The following SARM1 variants were observed in gnomAD, a reference collection of about 807,000 sequenced individuals.
The protein encoded by SARM1 is sterile alpha and TIR motif containing 1, also known as NAD(+) hydrolase SARM1.
Under a neutral mutation model 65.1 loss-of-function variants are expected in SARM1, and 60 were observed. That is an observed-to-expected ratio of 0.92 (90% CI 0.75 to 1.14). The LOEUF is 1.14. SARM1 is among the 50% of genes most tolerant of loss of function. The probability of loss-of-function intolerance (pLI) is 0.00; values close to 1 mark genes in which losing one functional copy is unlikely to be tolerated. For synonymous variants in SARM1, 417 were observed against 465.4 expected (o/e 0.90, Z 1.34); for missense variants, 913 against 1,015.7 (o/e 0.90, Z 1.37).
chr17:28,402,463 G>C lies in SARM1; in HGVS notation c.*6177G>C. On this transcript the variant is annotated 3_prime_UTR_variant, in exon 9 of 9. Coordinates refer to ENST00000585482, the MANE Select transcript of SARM1 (RefSeq NM_015077.4). ...ACTTCCTTGATGGTGAGGGTGGGAA[G>C]ACAGTAGTCAAGGAGGAATGGAGAC... 2 of 666,112 alleles carry C rather than the reference G, an allele frequency of 3.0e-6. No homozygotes were observed. Among genetic ancestry groups the C allele is most frequent in the Non-Finnish European group, 2.6e-6 (1 of 382,956 alleles). 41.3% of individuals were successfully genotyped at this position (666,112 alleles called of 1,614,324 possible).
chr17:28,375,322 G>A (rs1225469461), intron 1 of SARM1, among the ~76,000 whole-genome samples: 3 of 151,758 alleles, frequency 2.0e-5, no homozygotes, highest in African/African-American at 7.3e-5. Context: ...AGGCGGCCAG[G>A]AGCAGTGTCT....
chr17:28,399,628 T>C lies in SARM1; in HGVS notation c.*3342T>C, dbSNP rs2068171537. On this transcript the variant is annotated 3_prime_UTR_variant, in exon 9 of 9. Coordinates refer to ENST00000585482, the MANE Select transcript of SARM1 (RefSeq NM_015077.4). ...TTGCTTGGTGTTCACTTTGCTCCTC[T>C]TGCCCTCTGTCTTCTGGTCCAGGCA... The C allele has an allele frequency of 2.5e-6, 4 of 1,613,436 alleles. No homozygotes were observed. The highest frequency in any genetic ancestry group is 3.4e-6 in the Non-Finnish European group (4 of 1,179,534).
Position 28,400,122 on chromosome 17 carries a change from C to T in SARM1, c.*3836C>T, listed in dbSNP as rs1042531127. On this transcript the variant is annotated 3_prime_UTR_variant, in exon 9 of 9. Transcript: ENST00000585482. ...GTTGCCCAGGCTGATCTTGAATTCC[C>T]GGGCTCAAGTGGTCCTCCTGCCTCA... 6.0e-5 allele frequency: 14 copies of T among 232,680 alleles called. 1 individual carries two copies. Among genetic ancestry groups the T allele is most frequent in the South Asian group, 3.9e-4 (6 of 15,386 alleles). 14.4% of individuals were successfully genotyped at this position (232,680 alleles called of 1,614,324 possible). A position where few individuals can be genotyped will look rare whatever the true frequency, so the allele number is the denominator to read the frequency against.
rs113936866 is a variant in SARM1, at chr17:28,371,968, A to G, written c.-65A>G. The stretch of plus-strand genomic sequence containing the variant: ...ACCCCTCTCGGGTCCCTCTTTTCCC[A>G]AAACCCGGGTCTCTCCGCGTGGCCC... On this transcript the variant is annotated 5_prime_UTR_variant, in exon 1 of 9. Transcript: ENST00000585482. 1,298 of 1,287,446 alleles carry G rather than the reference A, an allele frequency of 1.0e-3. 19 individuals are homozygous for G. In the African/African-American group the frequency reaches 0.019, roughly 18 times the overall value. 79.8% of individuals were successfully genotyped at this position (1,287,446 alleles called of 1,614,324 possible). A position where few individuals can be genotyped will look rare whatever the true frequency, so the allele number is the denominator to read the frequency against.
chr17:28,372,373 A>G lies in SARM1; in HGVS notation c.341A>G (p.Gln114Arg). The change falls in exon 1 of 9, where the codon CAG becomes CGG. Residue 114 changes from glutamine (Q) to arginine (R), a missense_variant. Physicochemically the swap from Gln to Arg is conservative, Grantham distance 43 (BLOSUM62 1). Transcript: ENST00000585482. The surrounding 1 kb of genome is among the most constrained non-coding windows in gnomAD (Gnocchi z 5.2). ...LLPAVGREVA[Q>R]GLCDAIRLDG... The stretch of plus-strand genomic sequence containing the variant: ...CCGGCCGTGGGCCGCGAGGTAGCCC[A>G]GGGTCTGTGCGACGCCATCCGCCTC... 6.6e-7 allele frequency: 1 copy of G among 1,522,406 alleles called. No homozygotes were observed. The highest frequency in any genetic ancestry group is 1.2e-5 in the South Asian group (1 of 83,336). The allele number at this position is 1,522,406 out of a possible 1,614,324, so 94.3% of individuals were successfully genotyped here. A position where few individuals can be genotyped will look rare whatever the true frequency, so the allele number is the denominator to read the frequency against.
intron 1 of SARM1, among the ~76,000 whole-genome samples, chr17:28,376,350 G>A (rs2067989483): frequency 7.0e-6 from 1 of 142,474 alleles, no homozygotes; most frequent in African/African-American, 2.7e-5. Flanking sequence ...TTTGAGGTCA[G>A]GAGTTCAAGA....
intron 2 of SARM1, among the ~76,000 whole-genome samples, chr17:28,382,313 A>G (rs1465557562): frequency 1.3e-5 from 2 of 152,152 alleles, no homozygotes; most frequent in Non-Finnish European, 2.9e-5. Context: ...GAACTGGGTG[A>G]GAGACAAGTG....
At chr17:28,381,162 C>A (rs2142428188) in intron 1 of SARM1, 41 bp from the exon 2 acceptor site, 2 of 1,544,944 alleles carry the variant, frequency 1.3e-6, no homozygotes, top group East Asian at 4.6e-5. Context: ...GCTCCCCAAG[C>A]TGCGGCAATT....
chr17:28,384,250 T>G lies in SARM1; in HGVS notation c.1090-107T>G. Reference sequence around the variant, plus strand: ...TGGCTGAAGGTGGGGCCAGGGCAGATGGAGAGACTTTGGGTTGTGAGAAGA... The same window carrying G: ...TGGCTGAAGGTGGGGCCAGGGCAGAGGGAGAGACTTTGGGTTGTGAGAAGA... On this transcript the variant is annotated intron_variant, in intron 2 of 8. Transcript: ENST00000585482. The surrounding 1 kb of genome is among the most constrained non-coding windows in gnomAD (Gnocchi z 4.4). The G allele has an allele frequency of 1.1e-6, 1 of 900,326 alleles. No individual in the cohort carries two copies. Among genetic ancestry groups the G allele is most frequent in the Non-Finnish European group, 1.7e-6 (1 of 601,076 alleles). 55.8% of individuals were successfully genotyped at this position (900,326 alleles called of 1,614,324 possible).
chr17:28,388,190 G>C lies in SARM1; in HGVS notation c.1647G>C (p.Pro549=), dbSNP rs139403866. 1.9e-6 allele frequency: 3 copies of C among 1,549,660 alleles called. No homozygotes were observed. Among genetic ancestry groups the C allele is most frequent in the Non-Finnish European group, 2.6e-6 (3 of 1,146,852 alleles). The change falls in exon 6 of 9, where the codon CCG becomes CCC. Residue 549 remains proline (P), a synonymous_variant. Coordinates refer to ENST00000585482, the MANE Select transcript of SARM1 (RefSeq NM_015077.4). ...LTAAREMLHS[P]LPCTGGKPSG... ...CCACTTCAGAAATGCTACACTCCCCGCTGCCCTGTACTGGTGGCAAACCCA... is the reference window on the plus strand; with the variant it reads ...CCACTTCAGAAATGCTACACTCCCCCCTGCCCTGTACTGGTGGCAAACCCA...
chr17:28,376,195 A>G (rs1014115016), intron 1 of SARM1, among the ~76,000 whole-genome samples: 1 of 152,132 alleles, frequency 6.6e-6, no homozygotes, highest in African/African-American at 2.4e-5. Context: ...ATAAAGTCCT[A>G]GGTCTGAATT....
rs1015661580 is a variant in SARM1, at chr17:28,371,749, T to G, written c.-284T>G. 9 of 326,810 alleles carry G rather than the reference T, an allele frequency of 2.8e-5. No homozygotes were observed. Among genetic ancestry groups the G allele is most frequent in the Non-Finnish European group, 5.0e-5 (9 of 179,578 alleles). The allele number at this position is 326,810 out of a possible 1,614,324, so 20.2% of individuals were successfully genotyped here. A position where few individuals can be genotyped will look rare whatever the true frequency, so the allele number is the denominator to read the frequency against. ...GCCACGCTTTGTTCCAGCCGCCGCC[T>G]CCTCTACCCTACGGCGTCCGGAGCC... On this transcript the variant is annotated 5_prime_UTR_variant, in exon 1 of 9. Coordinates refer to ENST00000585482, the MANE Select transcript of SARM1 (RefSeq NM_015077.4).
chr17:28,398,465 G>A lies in SARM1; in HGVS notation c.*2179G>A, dbSNP rs1369597724. On this transcript the variant is annotated 3_prime_UTR_variant, in exon 9 of 9. Transcript: ENST00000585482. ...AGGACAAACACAGCTCAGATCACCA[G>A]GTCAAGCACCTAGGCCTGGCTTCTC... 6.6e-6 allele frequency: 1 copy of A among 152,378 alleles called. No individual in the cohort carries two copies. The highest frequency in any genetic ancestry group is 1.5e-5 in the Non-Finnish European group (1 of 68,184). 9.4% of individuals were successfully genotyped at this position (152,378 alleles called of 1,614,324 possible).
Position 28,384,171 on chromosome 17 carries a change from G to T in SARM1, c.1090-186G>T, listed in dbSNP as rs2068037870. On this transcript the variant is annotated intron_variant, in intron 2 of 8. Coordinates refer to ENST00000585482, the MANE Select transcript of SARM1 (RefSeq NM_015077.4). The surrounding 1 kb of genome is among the most constrained non-coding windows in gnomAD (Gnocchi z 4.4). The stretch of plus-strand genomic sequence containing the variant: ...CCCAACCCATCCGAGTCAGGACCTG[G>T]TCAAGAATTGAGAGAACTTCAGGAG... Among the ~76,000 whole-genome samples, 2 of 152,300 alleles carry T rather than the reference G, an allele frequency of 1.3e-5. No homozygotes were observed. Among genetic ancestry groups the T allele is most frequent in the South Asian group, 4.1e-4 (2 of 4,822 alleles).
In SARM1 at chr17:28,400,820, C is replaced by G. The variant is rs1370075664; in HGVS notation, c.*4534C>G. On this transcript the variant is annotated 3_prime_UTR_variant, in exon 9 of 9. Transcript: ENST00000585482. ...AGTCCGAAAGGGCCATATTCCAACT[C>G]TGGCACCACCACCTCACAGCTGTGT... is the stretch of plus-strand genomic sequence containing the variant. 6.7e-7 allele frequency: 1 copy of G among 1,487,858 alleles called. No individual in the cohort carries two copies. Among genetic ancestry groups the G allele is most frequent in the African/African-American group, 1.4e-5 (1 of 71,908 alleles). The allele number at this position is 1,487,858 out of a possible 1,614,324, so 92.2% of individuals were successfully genotyped here. A position where few individuals can be genotyped will look rare whatever the true frequency, so the allele number is the denominator to read the frequency against.
chr17:28,392,137 C>G (rs997271808), intron 7 of SARM1, among the ~76,000 whole-genome samples: 2 of 150,472 alleles, frequency 1.3e-5, no homozygotes, highest in Non-Finnish European at 3.0e-5. Flanking sequence ...GAGGCACAGT[C>G]TTGCTCTATC....
At chr17:28,386,502 T>G (rs2068051054) in intron 5 of SARM1, 1 of 152,202 alleles carries the variant, frequency 6.6e-6, no homozygotes, top group Non-Finnish European at 1.5e-5. Context: ...AAACTGGGAC[T>G]TGAGCCCTTG....
chr17:28,381,936 A>C, intron 2 of SARM1, 115 bp downstream of exon 2: 5 of 1,254,430 alleles, frequency 4.0e-6, no homozygotes, highest in Non-Finnish European at 5.1e-6. Flanking sequence ...TAGATGAAGC[A>C]AGACAAAGGA....
chr17:28,382,335 G>C (rs1555585403), intron 2 of SARM1, among the ~76,000 whole-genome samples: 2 of 152,160 alleles, frequency 1.3e-5, no homozygotes, highest in Non-Finnish European at 2.9e-5. Flanking sequence ...AAGTGGGGAA[G>C]GGGAAGAAAG....
Sources: allele counts gnomAD v4.1 joint callset (sites outside exome capture counted in the v4.1 genomes callset), GRCh38; gene constraint gnomAD v4.1.1; non-coding constraint Gnocchi (gnomAD v3.1); transcripts MANE v1.5; gene names NCBI Gene and HGNC (gene_info 2026-07-23, HGNC 2026-07-21).